ANKRD28: variants seen among roughly 807,000 people sequenced by gnomAD.
ANKRD28 encodes the protein serine/threonine-protein phosphatase 6 regulatory ankyrin repeat subunit A.
ANKRD28 carries 44 observed loss-of-function variants against 126.5 expected under a neutral mutation model. The ratio of observed to expected loss-of-function variants is 0.35; its 90% CI spans 0.27 to 0.45. The LOEUF is 0.45. Among genes scored for constraint, ANKRD28 ranks in the 20% least tolerant of loss-of-function variants. ANKRD28 has a pLI of 1.00. For missense variants in ANKRD28, 1,110 were observed against 1,316.6 expected, an observed-to-expected ratio of 0.84 and a Z score of 2.43; for synonymous variants, 442 against 468.5, an observed-to-expected ratio of 0.94 and a Z score of 0.73.
intron 8 of ANKRD28, among the ~76,000 whole-genome samples, chr3:15,719,674 T>C (rs1209295024): frequency 6.6e-6 from 1 of 152,048 alleles, no homozygotes; most frequent in Non-Finnish European, 1.5e-5. Flanking sequence ...GCTCAAGTGA[T>C]CCTCCAGCCT....
intron 1 of ANKRD28, among the ~76,000 whole-genome samples, chr3:15,820,871 A>G (rs1428990641): frequency 1.3e-5 from 2 of 152,276 alleles, no homozygotes; most frequent in East Asian, 1.9e-4. Flanking sequence ...CTTTTTTGAC[A>G]CTTCCTTCTG....
rs559344702 is a variant in ANKRD28 at position 15,851,864 on chromosome 3, T to C, written c.27+7513A>G. 3.3e-5 allele frequency among the ~76,000 whole-genome samples: 5 copies of C among 152,218 alleles called. No individual in the cohort carries two copies. The East Asian group carries it at 7.7e-4, about 23-fold the overall frequency. ...TTGTATCAGCATAACAACCAAAAAA[T>C]GTAAACACAAATGTCCATGAACTGA... On this transcript the variant is annotated intron_variant, in intron 1 of 27. Transcript: ENST00000399451.
intron 2 of ANKRD28, among the ~76,000 whole-genome samples, chr3:15,770,370 T>C (rs1414888826): frequency 6.6e-6 from 1 of 150,918 alleles, no homozygotes; most frequent in Non-Finnish European, 1.5e-5. Context: ...CACATTTCTA[T>C]TATCATCCTT....
chr3:15,835,092 G>A (rs1249699316), intron 1 of ANKRD28, among the ~76,000 whole-genome samples: 1 of 152,124 alleles, frequency 6.6e-6, no homozygotes, highest in African/African-American at 2.4e-5. Context: ...AGGTTGCAGT[G>A]AGCTGAGATC....
At chr3:15,677,227 T>A (rs998041756) in intron 25 of ANKRD28, among the ~76,000 whole-genome samples, 171 bp from the exon 26 acceptor site, 1 of 152,130 alleles carries the variant, frequency 6.6e-6, no homozygotes, top group Non-Finnish European at 1.5e-5. Flanking sequence ...GGAGTGAGGG[T>A]AGGAGAAGAG....
At chr3:15,764,069 A>G (rs1420009634) in intron 3 of ANKRD28, among the ~76,000 whole-genome samples, 1 of 151,972 alleles carries the variant, frequency 6.6e-6, no homozygotes, top group African/African-American at 2.4e-5. Context: ...TACTAAAAAT[A>G]CAAAAATTAG....
At chr3:15,822,754 T>TA (rs1422430316) in intron 1 of ANKRD28, among the ~76,000 whole-genome samples, 1 of 151,534 alleles carries the variant, frequency 6.6e-6, no homozygotes, top group Admixed American at 6.6e-5. Context: ...ATATTGATGT[T>TA]AAAAAATAGA....
intron 14 of ANKRD28, among the ~76,000 whole-genome samples, chr3:15,705,408 A>G (rs1253004031): frequency 1.3e-5 from 2 of 152,170 alleles, no homozygotes; most frequent in Non-Finnish European, 2.9e-5. Context: ...GGGGGAAGGA[A>G]TGTGGGAGAC....
chr3:15,775,902 CTCT>C (rs1455138990), intron 2 of ANKRD28, among the ~76,000 whole-genome samples: 1 of 152,156 alleles, frequency 6.6e-6, no homozygotes, highest in Non-Finnish European at 1.5e-5. Flanking sequence ...CATTCAGTCC[CTCT>C]TCTTTCTCCA....
At chr3:15,693,783 T>C (rs992630707) in intron 17 of ANKRD28, among the ~76,000 whole-genome samples, 4 of 152,152 alleles carry the variant, frequency 2.6e-5, no homozygotes, top group Admixed American at 1.3e-4. Context: ...GCTTCAAGAA[T>C]GCTTTCTTAG....
chr3:15,741,524 C>G (rs1480992080), intron 4 of ANKRD28, among the ~76,000 whole-genome samples: 7 of 151,736 alleles, frequency 4.6e-5, no homozygotes, highest in African/African-American at 1.7e-4. Context: ...GCTGGTGTGT[C>G]TTGATTTTTT....
chr3:15,685,357 A>G lies in ANKRD28; in HGVS notation c.2258T>C (p.Ile753Thr), dbSNP rs1426004352. The G allele has an allele frequency of 1.4e-5, 22 of 1,613,920 alleles. No homozygotes were observed. The highest frequency in any genetic ancestry group is 1.9e-5 in the Non-Finnish European group (22 of 1,179,880). Residue 753 changes from isoleucine (I) to threonine (T), a missense_variant, in exon 21 of 28, where the codon ATA (isoleucine) becomes ACA (threonine). Physicochemically the swap from Ile to Thr is moderately conservative, Grantham distance 89. Coordinates refer to ENST00000683139, the MANE Select transcript of ANKRD28 (RefSeq NM_001349278.2). ...LLRDSRGRTP[I>T]HLSAACGHIG... ...GTGTCCACAGGCAGCAGACAGGTGT[A>G]TAGGCGTCCGGCCCCTGCTATCCCG... is the stretch of plus-strand genomic sequence containing the variant.
At chr3:15,748,869 T>G (rs914993280) in intron 4 of ANKRD28, among the ~76,000 whole-genome samples, 2 of 152,260 alleles carry the variant, frequency 1.3e-5, no homozygotes, top group East Asian at 3.9e-4. Flanking sequence ...CCAAACTTCT[T>G]GGAGACTTCG....
chr3:15,780,464 A>T (rs937521296), intron 2 of ANKRD28, among the ~76,000 whole-genome samples: 3 of 152,220 alleles, frequency 2.0e-5, no homozygotes, highest in African/African-American at 7.2e-5. Context: ...ATGAACTAAA[A>T]AATTAATATT....
At chr3:15,726,738 A>T (rs929342308) in intron 6 of ANKRD28, among the ~76,000 whole-genome samples, 3 of 152,234 alleles carry the variant, frequency 2.0e-5, no homozygotes, top group Non-Finnish European at 4.4e-5. Context: ...ACGGCCTTCT[A>T]TTGGAAGATG....
chr3:15,752,178 G>C (rs1424501013), intron 3 of ANKRD28, among the ~76,000 whole-genome samples: 4 of 152,054 alleles, frequency 2.6e-5, no homozygotes, highest in Non-Finnish European at 4.4e-5. Flanking sequence ...TATACTTGGA[G>C]ATAAAATGCA....
upstream of ANKRD28, chr3:15,798,149 A>G (rs1438745387): frequency 1.6e-5 from 16 of 985,332 alleles, no homozygotes; most frequent in African/African-American, 3.5e-5. Flanking sequence ...TAAAAGCCAC[A>G]AGGAAATCTG....
intron 6 of ANKRD28, chr3:15,732,631 A>G (rs1272592791): frequency 6.6e-6 from 1 of 152,214 alleles, no homozygotes; most frequent in Non-Finnish European, 1.5e-5. Flanking sequence ...ATACTATGCC[A>G]CAGTTAACAA....
At chr3:15,705,887 TAC>T (rs1234060401) in intron 14 of ANKRD28, among the ~76,000 whole-genome samples, 1 of 152,070 alleles carries the variant, frequency 6.6e-6, no homozygotes, top group Non-Finnish European at 1.5e-5. Flanking sequence ...TAGTCCCAGC[TAC>T]TCAGGAGGCT....
Sources: allele counts gnomAD v4.1 joint callset (sites outside exome capture counted in the v4.1 genomes callset), GRCh38; gene constraint gnomAD v4.1.1; transcripts MANE v1.5; gene names NCBI Gene and HGNC (gene_info 2026-07-23, HGNC 2026-07-21).